The following SETBP1 variants were observed in gnomAD, a reference collection of about 807,000 sequenced individuals.
The protein encoded by SETBP1 is SET-binding protein.
A neutral mutation model predicts 101.0 loss-of-function variants in SETBP1; 9 were observed. That is an observed-to-expected ratio of 0.09 (90% CI 0.05 to 0.16). The LOEUF (loss-of-function observed/expected upper bound fraction) is 0.16. Ranked by LOEUF, SETBP1 falls within the 10% of genes least tolerant of loss-of-function variation. The pLI is 1.00. For missense variants in SETBP1, 1,858 were observed against 2,033.8 expected, an observed-to-expected ratio of 0.91 and a Z score of 1.66; for synonymous variants, 818 against 788.5, an observed-to-expected ratio of 1.04 and a Z score of -0.63.
chr18:44,991,236 G>T (rs1286228412), intron 4 of SETBP1, among the ~76,000 whole-genome samples: 2 of 106,756 alleles, frequency 1.9e-5, no homozygotes, highest in African/African-American at 7.3e-5. Flanking sequence ...GAGCGAGACT[G>T]CATCTCACAA....
chr18:44,968,027 A>G (rs1015167121), intron 4 of SETBP1, among the ~76,000 whole-genome samples: 1 of 152,160 alleles, frequency 6.6e-6, no homozygotes, highest in Admixed American at 6.5e-5. Flanking sequence ...TGGAAAAAAA[A>G]CATTAATTCT....
intron 4 of SETBP1, among the ~76,000 whole-genome samples, chr18:45,008,258 A>G (rs1453137849): frequency 6.6e-6 from 1 of 152,188 alleles, no homozygotes; most frequent in East Asian, 1.9e-4. Context: ...ATCAATAAGT[A>G]TAAAGTCTCA....
At chr18:45,013,879 T>C (rs531294847) in intron 4 of SETBP1, among the ~76,000 whole-genome samples, 2 of 152,300 alleles carry the variant, frequency 1.3e-5, no homozygotes, top group East Asian at 3.9e-4. Flanking sequence ...TTCTGCTGTG[T>C]TTTTAAATTT....
chr18:44,941,805 T>A (rs1432580804), intron 3 of SETBP1, among the ~76,000 whole-genome samples: 1 of 152,098 alleles, frequency 6.6e-6, no homozygotes, highest in Non-Finnish European at 1.5e-5. Context: ...AGATTTAGAA[T>A]TTTCATTTTA....
intron 4 of SETBP1, among the ~76,000 whole-genome samples, chr18:44,992,923 C>T (rs1234006299): frequency 6.6e-6 from 1 of 151,852 alleles, no homozygotes; most frequent in South Asian, 2.1e-4. Flanking sequence ...AAAATAAAAA[C>T]AAACGTAATC....
chr18:44,740,119 C>G (rs2070063679), intron 2 of SETBP1, among the ~76,000 whole-genome samples: 1 of 152,102 alleles, frequency 6.6e-6, no homozygotes, highest in African/African-American at 2.4e-5. Flanking sequence ...TCTGCAGGTG[C>G]TAAGGTTTGG....
chr18:44,794,637 C>A (rs1391902260), intron 2 of SETBP1, among the ~76,000 whole-genome samples: 1 of 152,034 alleles, frequency 6.6e-6, no homozygotes, highest in East Asian at 1.9e-4. Flanking sequence ...TGCAATGACC[C>A]CAGCCCTCTT....
chr18:44,800,440 C>T (rs2071581536), intron 2 of SETBP1, among the ~76,000 whole-genome samples: 1 of 152,118 alleles, frequency 6.6e-6, no homozygotes, highest in Admixed American at 6.5e-5. Flanking sequence ...TCACACCAAC[C>T]CTGGTGGCCT....
At chr18:44,931,257 G>A (rs1439804719) in intron 3 of SETBP1, among the ~76,000 whole-genome samples, 2 of 152,238 alleles carry the variant, frequency 1.3e-5, no homozygotes, top group African/African-American at 4.8e-5. Context: ...TTTTGAGTGA[G>A]TTTCTTAATC....
At chr18:44,939,684 G>A (rs1416848033) in intron 3 of SETBP1, among the ~76,000 whole-genome samples, 1 of 152,180 alleles carries the variant, frequency 6.6e-6, no homozygotes, top group East Asian at 1.9e-4. Context: ...ACGTATGATA[G>A]TGTCAGTTGC....
intron 3 of SETBP1, among the ~76,000 whole-genome samples, chr18:44,897,550 A>G (rs751218260): frequency 1.1e-4 from 17 of 152,198 alleles, no homozygotes; most frequent in Non-Finnish European, 2.4e-4. Flanking sequence ...CGAATCAAGC[A>G]GGGGCCATCA....
At chr18:44,711,557 G>T (rs1489499526) in intron 2 of SETBP1, among the ~76,000 whole-genome samples, 3 of 139,022 alleles carry the variant, frequency 2.2e-5, no homozygotes, top group Admixed American at 1.5e-4. Context: ...ACAGGGTCTT[G>T]CTCTGTTGCC....
intron 3 of SETBP1, among the ~76,000 whole-genome samples, chr18:44,932,761 G>C (rs1369513215): frequency 1.3e-5 from 2 of 152,034 alleles, no homozygotes; most frequent in African/African-American, 2.4e-5. Context: ...CATGCATCAC[G>C]TAGTTCTCGT....
At chr18:44,720,911 C>T (rs886095207) in intron 2 of SETBP1, among the ~76,000 whole-genome samples, 2 of 138,964 alleles carry the variant, frequency 1.4e-5, no homozygotes, top group African/African-American at 5.2e-5. Context: ...ACCCCCACCC[C>T]CCACCCCAAC....
At chr18:44,938,894 C>T (rs769257463) in intron 3 of SETBP1, among the ~76,000 whole-genome samples, 26 of 151,904 alleles carry the variant, frequency 1.7e-4, no homozygotes, top group East Asian at 3.9e-4. Context: ...GCTTGCGGGC[C>T]GCCCTATGTT....
chr18:44,862,023 A>G (rs749488400), intron 2 of SETBP1, among the ~76,000 whole-genome samples: 8 of 152,182 alleles, frequency 5.3e-5, no homozygotes, highest in East Asian at 1.9e-4. Context: ...TATCTCTTCA[A>G]TCTGAAAGGT....
intron 3 of SETBP1, among the ~76,000 whole-genome samples, chr18:44,936,768 A>G (rs952483319): frequency 6.6e-5 from 10 of 152,270 alleles, no homozygotes; most frequent in East Asian, 1.9e-4. Flanking sequence ...CAGGAAAGTG[A>G]TATCTAAGAG....
chr18:44,722,872 C>T lies in SETBP1; in HGVS notation c.486+21040C>T, dbSNP rs149833379. ...TGCAAAAATTAAACAGCACAAATACCGTTTCTTTTCATCATCACAATATCC... is the reference window on the plus strand; with the variant it reads ...TGCAAAAATTAAACAGCACAAATACTGTTTCTTTTCATCATCACAATATCC... On this transcript the variant is annotated intron_variant, in intron 2 of 5. Coordinates refer to ENST00000649279, the MANE Select transcript of SETBP1 (RefSeq NM_015559.3). Among the ~76,000 whole-genome samples, 294 of 152,238 alleles carry T rather than the reference C, an allele frequency of 1.9e-3. 3 individuals are homozygous for T. The highest frequency in any genetic ancestry group is 6.4e-3 in the African/African-American group (265 of 41,548).
At chr18:45,009,915 G>T (rs554722484) in intron 4 of SETBP1, among the ~76,000 whole-genome samples, 1 of 152,108 alleles carries the variant, frequency 6.6e-6, no homozygotes, top group South Asian at 2.1e-4. Context: ...GTTGGCAGTG[G>T]ACTGTTTAAT....
Sources: gnomAD v4.1 joint callset for allele counts (sites outside exome capture counted in the v4.1 genomes callset) on GRCh38, gnomAD v4.1.1 for gene constraint, MANE v1.5 for transcripts, NCBI Gene and HGNC (gene_info 2026-07-23, HGNC 2026-07-21) for gene names.